Variants in GPC5 observed in about 807,000 individuals in gnomAD.
The protein encoded by GPC5 is glypican 5.
GPC5 carries 47 observed loss-of-function variants against 53.9 expected under a neutral mutation model. The observed-to-expected ratio is 0.87, with a 90% CI of 0.69 to 1.11. The LOEUF (loss-of-function observed/expected upper bound fraction) is 1.11. Ranked by LOEUF, GPC5 falls within the 50% of genes most tolerant of loss-of-function variation. The pLI, the probability that GPC5 is intolerant of heterozygous loss-of-function variation, is 0.00. For synonymous variants in GPC5, 286 were observed against 263.3 expected (o/e 1.09, Z -0.84); for missense variants, 748 against 713.1 (o/e 1.05, Z -0.56).
At chr13:92,393,217 C>A (rs1875104480) in intron 7 of GPC5, among the ~76,000 whole-genome samples, 1 of 151,778 alleles carries the variant, frequency 6.6e-6, no homozygotes, top group Admixed American at 6.6e-5. Flanking sequence ...TACTATGCAG[C>A]CATAAAAAAG....
chr13:92,149,636 T>C (rs1178368422), intron 7 of GPC5, among the ~76,000 whole-genome samples: 1 of 152,020 alleles, frequency 6.6e-6, no homozygotes, highest in Non-Finnish European at 1.5e-5. Flanking sequence ...TACACTTTAC[T>C]AGCCGCTGAA....
intron 7 of GPC5, among the ~76,000 whole-genome samples, chr13:92,399,154 CT>C (rs1875438663): frequency 1.3e-5 from 2 of 152,280 alleles, no homozygotes; most frequent in South Asian, 4.1e-4. Flanking sequence ...GTTTCACAAA[CT>C]TTTATTGATT....
intron 7 of GPC5, among the ~76,000 whole-genome samples, chr13:92,548,086 G>T (rs1191382320): frequency 2.7e-5 from 4 of 149,860 alleles, no homozygotes; most frequent in African/African-American, 9.8e-5. Context: ...TGATCCGCCC[G>T]CCTCAGCCTC....
intron 6 of GPC5, among the ~76,000 whole-genome samples, chr13:92,073,215 A>C (rs1353773318): frequency 1.3e-5 from 2 of 152,142 alleles, no homozygotes; most frequent in African/African-American, 4.8e-5. Context: ...AATTCTGAAT[A>C]TTTTGTTAAG....
chr13:91,694,927 A>C (rs567796509), intron 3 of GPC5, among the ~76,000 whole-genome samples: 81 of 152,292 alleles, frequency 5.3e-4, no homozygotes, highest in African/African-American at 1.9e-3. Context: ...ACTTTTAAAC[A>C]GACTTTGATT....
intron 2 of GPC5, among the ~76,000 whole-genome samples, chr13:91,553,162 G>T (rs2030746496): frequency 7.2e-6 from 1 of 138,508 alleles, no homozygotes. Flanking sequence ...TCAGGGTCAG[G>T]CTGGGTAAAT....
intron 7 of GPC5, among the ~76,000 whole-genome samples, chr13:92,311,205 A>G (rs1196266444): frequency 6.6e-6 from 1 of 152,220 alleles, no homozygotes; most frequent in African/African-American, 2.4e-5. Context: ...AAATGTCCAT[A>G]TAGCAATTAA....
At chr13:91,841,284 G>A (rs763039909) in intron 5 of GPC5, among the ~76,000 whole-genome samples, 1 of 150,912 alleles carries the variant, frequency 6.6e-6, no homozygotes, top group Non-Finnish European at 1.5e-5. Flanking sequence ...AATGAATCAT[G>A]TCATAAATTG....
chr13:91,914,536 G>T (rs993329626), intron 6 of GPC5, among the ~76,000 whole-genome samples: 3 of 151,998 alleles, frequency 2.0e-5, no homozygotes, highest in Non-Finnish European at 4.4e-5. Context: ...CACAAAAGAA[G>T]TAGATTTTCT....
At chr13:92,714,892 C>T (rs1285362932) in intron 7 of GPC5, among the ~76,000 whole-genome samples, 1 of 152,008 alleles carries the variant, frequency 6.6e-6, no homozygotes, top group South Asian at 2.1e-4. Flanking sequence ...GTGATGAAAC[C>T]CAGTCTCTAT....
At chr13:91,988,763 G>T (rs565475363) in intron 6 of GPC5, among the ~76,000 whole-genome samples, 1 of 149,754 alleles carries the variant, frequency 6.7e-6, no homozygotes, top group Admixed American at 6.6e-5. Context: ...AAGCTTTAAG[G>T]TCTGTTATCT....
chr13:92,223,206 T>C (rs1472553231), intron 7 of GPC5, among the ~76,000 whole-genome samples: 1 of 152,180 alleles, frequency 6.6e-6, no homozygotes, highest in East Asian at 1.9e-4. Flanking sequence ...AATTCTGTTT[T>C]ATGGAAGTTG....
At chr13:91,758,708 T>C (rs967209319) in intron 5 of GPC5, among the ~76,000 whole-genome samples, 7 of 152,148 alleles carry the variant, frequency 4.6e-5, no homozygotes, top group African/African-American at 1.7e-4. Flanking sequence ...AAGTGTGTGA[T>C]TCTTAGTATT....
intron 7 of GPC5, among the ~76,000 whole-genome samples, chr13:92,170,093 C>T (rs1472096451): frequency 1.3e-5 from 2 of 151,614 alleles, no homozygotes; most frequent in African/African-American, 4.8e-5. Context: ...CAGTGGCATG[C>T]TAAATTTGCA....
chr13:92,348,466 C>T (rs1857590494), intron 7 of GPC5, among the ~76,000 whole-genome samples: 1 of 151,894 alleles, frequency 6.6e-6, no homozygotes, highest in African/African-American at 2.4e-5. Flanking sequence ...AGAGGGATTG[C>T]CATACAATAA....
intron 2 of GPC5, among the ~76,000 whole-genome samples, chr13:91,601,304 C>T (rs905440073): frequency 1.3e-5 from 2 of 152,172 alleles, no homozygotes; most frequent in Admixed American, 1.3e-4. Context: ...AAATTTATCC[C>T]ATCTTGGACT....
intron 7 of GPC5, among the ~76,000 whole-genome samples, chr13:92,727,489 C>A (rs550439069): frequency 6.6e-6 from 1 of 151,484 alleles, no homozygotes; most frequent in South Asian, 2.1e-4. Context: ...AGAAATCAAG[C>A]CTGCTTTCCA....
At chr13:91,432,203 CTGTGTG>C (rs757953581) in intron 1 of GPC5, among the ~76,000 whole-genome samples, 154 of 136,412 alleles carry the variant, frequency 1.1e-3, no homozygotes, top group Admixed American at 1.9e-3. Flanking sequence ...GCTGCTGCTG[CTGTGTG>C]TGTGTGTGTG....
intron 7 of GPC5, among the ~76,000 whole-genome samples, chr13:92,700,171 C>T (rs1412239728): frequency 6.6e-6 from 1 of 151,762 alleles, no homozygotes; most frequent in Non-Finnish European, 1.5e-5. Flanking sequence ...ATCTCTTTAC[C>T]ATTATGTAAT....
Sources: gnomAD v4.1 joint callset for allele counts (sites outside exome capture counted in the v4.1 genomes callset) on GRCh38, gnomAD v4.1.1 for gene constraint, MANE v1.5 for transcripts, NCBI Gene and HGNC (gene_info 2026-07-23, HGNC 2026-07-21) for gene names.